The following ASPM variants were observed in gnomAD, a reference collection of about 807,000 sequenced individuals.
ASPM encodes assembly factor for spindle microtubules.
A neutral mutation model predicts 366.4 loss-of-function variants in ASPM; 256 were observed. The ratio of observed to expected loss-of-function variants is 0.70; its 90% CI spans 0.63 to 0.77. ASPM has a LOEUF of 0.77. ASPM is among the 30% of genes least tolerant of loss of function. The pLI, the probability that ASPM is intolerant of heterozygous loss-of-function variation, is 0.00. For synonymous variants in ASPM, 1,414 were observed against 1,342.9 expected, an observed-to-expected ratio of 1.05 and a Z score of -1.16; for missense variants, 4,146 against 4,090.4, an observed-to-expected ratio of 1.01 and a Z score of -0.37.
At chr1:197,128,713 G>T (rs1157422778) in intron 9 of ASPM, 48 bp from the exon 10 acceptor site, 3 of 1,443,456 alleles carry the variant, frequency 2.1e-6, no homozygotes, top group Non-Finnish European at 2.9e-6. Context: ...TTATAATTTT[G>T]CTTATAATAA....
chr1:197,102,799 C>T lies in ASPM; in HGVS notation c.6452G>A (p.Arg2151Lys). The T allele has an allele frequency of 3.1e-6, 5 of 1,612,328 alleles. No homozygotes were observed. Among genetic ancestry groups the T allele is most frequent in the Non-Finnish European group, 4.2e-6 (5 of 1,179,198 alleles). The change falls in exon 18 of 28, where the codon AGA becomes AAA. Residue 2151 changes from arginine to lysine, a missense_variant. Arg to Lys is a conservative substitution (Grantham distance 26, BLOSUM62 2). This residue lies in a region of ASPM where 3,624 missense variants were observed against 3,591.7 expected (regional missense o/e 1.01). Coordinates refer to ENST00000367409, the MANE Select transcript of ASPM (RefSeq NM_018136.5). ...KAAIVIQVRC[R>K]AYYQGKMQRE... ...CTGCATTTTACCTTGATAATATGCT[C>T]TACATCTTACTTGAATAACAATAGC...
At chr1:197,097,003 C>T (rs1367278268) in intron 18 of ASPM, among the ~76,000 whole-genome samples, 2 of 151,704 alleles carry the variant, frequency 1.3e-5, no homozygotes, top group African/African-American at 4.8e-5. Flanking sequence ...TCCAACATCC[C>T]TACAGGAAGA....
In ASPM at chr1:197,102,007, TG is replaced by T; in HGVS notation, c.7243del (p.Gln2415ArgfsTer9). 2 of 1,612,946 alleles carry T rather than the reference TG, an allele frequency of 1.2e-6. No individual in the cohort carries two copies. The highest frequency in any genetic ancestry group is 1.7e-6 in the Non-Finnish European group (2 of 1,179,304). ...CACCAGTAATGATCTAAACCTACTC[TG>T]AATAAGGGTTGCAGAGGAATGCATA... The part of the protein sequence containing the change: ...KSMHSSATLI[Q>X]SRFRSLLVRR... On this transcript the variant is annotated frameshift_variant, in exon 18 of 28. Transcript: ENST00000367409. LOFTEE classifies it high-confidence loss of function.
chr1:197,096,197 T>G, intron 18 of ASPM, 33 bp from the exon 19 acceptor site: 1 of 1,528,912 alleles, frequency 6.5e-7, no homozygotes, highest in Non-Finnish European at 9.0e-7. Flanking sequence ...AAGTATGCAA[T>G]GAGTTGTCTC....
Position 197,146,648 on chromosome 1 carries a change from A to G in ASPM, c.-211T>C, listed in dbSNP as rs1312958450. The G allele has an allele frequency of 1.3e-5, 8 of 615,206 alleles. No homozygotes were observed. Among genetic ancestry groups the G allele is most frequent in the South Asian group, 1.2e-4 (6 of 50,128 alleles). The allele number at this position is 615,206 out of a possible 1,614,324, so 38.1% of individuals were successfully genotyped here. A position where few individuals can be genotyped will look rare whatever the true frequency, so the allele number is the denominator to read the frequency against. Reference sequence around the variant, plus strand: ...CTCGCAAATTAAAAAGAGGAGCCAAACAAGTATGGCGTTTTGACTCTGTTT... The same window carrying G: ...CTCGCAAATTAAAAAGAGGAGCCAAGCAAGTATGGCGTTTTGACTCTGTTT... On this transcript the variant is annotated 5_prime_UTR_variant, in exon 1 of 28. Coordinates refer to ENST00000367409, the MANE Select transcript of ASPM (RefSeq NM_018136.5).
At chr1:197,097,049 A>G (rs1253841082) in intron 18 of ASPM, among the ~76,000 whole-genome samples, 1 of 151,594 alleles carries the variant, frequency 6.6e-6, no homozygotes, top group Non-Finnish European at 1.5e-5. Flanking sequence ...GTAAGCAAAA[A>G]CTCAGTTGTA....
chr1:197,146,504 C>G lies in ASPM; in HGVS notation c.-67G>C. On this transcript the variant is annotated 5_prime_UTR_variant, in exon 1 of 28. Transcript: ENST00000367409. Reference sequence around the variant, plus strand: ...CACGAGGCGGCTCCGGAGCGGGGATCCGGGACTTACGCTGACCGCTTCCCC... The same window carrying G: ...CACGAGGCGGCTCCGGAGCGGGGATGCGGGACTTACGCTGACCGCTTCCCC... 6.4e-7 allele frequency: 1 copy of G among 1,563,298 alleles called. No homozygotes were observed. The highest frequency in any genetic ancestry group is 8.7e-7 in the Non-Finnish European group (1 of 1,152,738).
At chr1:197,092,910 C>T in intron 21 of ASPM, 142 bp downstream of exon 21, 1 of 772,076 alleles carries the variant, frequency 1.3e-6, no homozygotes, top group Non-Finnish European at 2.1e-6. Context: ...TTGTCACTTA[C>T]CTTTCTAGCA....
chr1:197,117,755 T>C (rs762821370), intron 17 of ASPM, 34 bp downstream of exon 17: 21 of 1,566,914 alleles, frequency 1.3e-5, no homozygotes, highest in Non-Finnish European at 1.7e-5. Flanking sequence ...CATTAAAATT[T>C]TTTAAATTCA....
chr1:197,127,472 T>C lies in ASPM; in HGVS notation c.2936+1018A>G, dbSNP rs537189386. Among the ~76,000 whole-genome samples, 5 of 152,304 alleles carry C rather than the reference T, an allele frequency of 3.3e-5. No individual in the cohort carries two copies. In the East Asian group the frequency reaches 5.8e-4, roughly 18 times the overall value. ...CCTAAATACACAGAGAAAAAAACTT[T>C]CATTGCTTTAAAGAAATCTCTTGCC... On this transcript the variant is annotated intron_variant, in intron 10 of 27. Coordinates refer to ENST00000367409, the MANE Select transcript of ASPM (RefSeq NM_018136.5).
At position 197,135,165 on chromosome 1, in the gene ASPM, C is replaced by T. The variant is rs776086817; in HGVS notation, c.2104G>A (p.Gly702Ser). 3.1e-6 allele frequency: 5 copies of T among 1,613,392 alleles called. No homozygotes were observed. The highest frequency in any genetic ancestry group is 1.7e-4 in the Middle Eastern group (1 of 6,058). ...DERWKEKQEQ[G>S]FTWWLNFILT... ...ATAAAATTTAACCACCAAGTGAAGCCCTGTTCCTGCTTTTCCTTCCAGCGT... is the reference window on the plus strand; with the variant it reads ...ATAAAATTTAACCACCAAGTGAAGCTCTGTTCCTGCTTTTCCTTCCAGCGT... Residue 702 changes from glycine (G) to serine (S), a missense_variant, in exon 5 of 28, where the codon GGC becomes AGC. Transcript: ENST00000367409.
intron 22 of ASPM, 30 bp from the exon 23 acceptor site, chr1:197,091,071 T>C (rs1191236940): frequency 6.4e-7 from 1 of 1,551,258 alleles, no homozygotes; most frequent in Non-Finnish European, 8.9e-7. Context: ...TTGTTTTTCA[T>C]TTCTACTTCA....
At position 197,128,510 on chromosome 1, in the gene ASPM, C is replaced by T. The variant is rs150590956; in HGVS notation, c.2916G>A (p.Leu972=). The change falls in exon 10 of 28, where the codon TTG becomes TTA. Residue 972 remains leucine (L), a synonymous_variant. Coordinates refer to ENST00000367409, the MANE Select transcript of ASPM (RefSeq NM_018136.5). ...CGTACACAAGGCGCACTCCACATTG[C>T]AAGTCTACGGCAAGATTTGTAACGG... ...DFAVTNLAVD[L]QCGVRLVRTM... The T allele has an allele frequency of 1.9e-6, 3 of 1,613,520 alleles. No homozygotes were observed. The highest frequency in any genetic ancestry group is 2.2e-5 in the East Asian group (1 of 44,860).
intron 23 of ASPM, among the ~76,000 whole-genome samples, 170 bp from the exon 24 acceptor site, chr1:197,090,558 A>C (rs1656746164): frequency 6.6e-6 from 1 of 152,158 alleles, no homozygotes; most frequent in Non-Finnish European, 1.5e-5. Flanking sequence ...TTTCAAAAAA[A>C]GAAATACAGA....
At chr1:197,085,085 TC>T (rs1656545950) in intron 27 of ASPM, among the ~76,000 whole-genome samples, 1 of 152,184 alleles carries the variant, frequency 6.6e-6, no homozygotes, top group African/African-American at 2.4e-5. Flanking sequence ...ATCAGTATTA[TC>T]AAAACCTTTG....
chr1:197,089,403 CT>C (rs774777161), intron 25 of ASPM, among the ~76,000 whole-genome samples: 1 of 151,934 alleles, frequency 6.6e-6, no homozygotes, highest in African/African-American at 2.4e-5. Context: ...CAATATTTTT[CT>C]TTCACACACT....
chr1:197,084,788 C>A lies in ASPM; in HGVS notation c.10332-362G>T, dbSNP rs192901723. Among the ~76,000 whole-genome samples the A allele has an allele frequency of 4.2e-3, 641 of 152,318 alleles. 5 individuals are homozygous for A. Among genetic ancestry groups the A allele is most frequent in the African/African-American group, 0.015 (624 of 41,566 alleles). On this transcript the variant is annotated intron_variant, in intron 27 of 27. Transcript: ENST00000367409. ...AACATCTATGTGGCCAAAAAGCCAA[C>A]AACCTAGTCCGTTTTTGCCCCACTT...
chr1:197,090,923 A>G lies in ASPM; in HGVS notation c.9563T>C (p.Ile3188Thr). The G allele has an allele frequency of 6.2e-7, 1 of 1,613,454 alleles. No homozygotes were observed. Among genetic ancestry groups the G allele is most frequent in the Non-Finnish European group, 8.5e-7 (1 of 1,179,622 alleles). Residue 3188 changes from isoleucine to threonine, a missense_variant, in exon 23 of 28, where the codon ATA becomes ACA. Transcript: ENST00000367409. ...GAGAAAATGGCGCACTGCTTTCTGTATTACTGATGCAGCCCTATTTCGCTG... is the reference window on the plus strand; with the variant it reads ...GAGAAAATGGCGCACTGCTTTCTGTGTTACTGATGCAGCCCTATTTCGCTG... The part of the protein sequence containing the change: ...LSQRNRAASV[I>T]QKAVRHFLLR...
intron 19 of ASPM, among the ~76,000 whole-genome samples, chr1:197,095,310 A>G (rs1656935522): frequency 6.6e-6 from 1 of 151,656 alleles, no homozygotes; most frequent in African/African-American, 2.4e-5. Flanking sequence ...TCAACTGTAT[A>G]TGTTAAGCCC....
Sources: gnomAD v4.1 joint callset for allele counts (sites outside exome capture counted in the v4.1 genomes callset) on GRCh38, gnomAD v4.1.1 for gene constraint, gnomAD v4.1.1 regional missense constraint, MANE v1.5 for transcripts, NCBI Gene and HGNC (gene_info 2026-07-23, HGNC 2026-07-21) for gene names.